DMBX1: variants seen among roughly 807,000 people sequenced by gnomAD.
DMBX1 encodes diencephalon/mesencephalon homeobox 1.
A neutral mutation model predicts 30.4 loss-of-function variants in DMBX1; 7 were observed. The ratio of observed to expected loss-of-function variants is 0.23; its 90% CI spans 0.13 to 0.43. DMBX1 has a LOEUF of 0.43. Ranked by LOEUF, DMBX1 falls within the 20% of genes least tolerant of loss-of-function variation. The pLI, the probability that DMBX1 is intolerant of heterozygous loss-of-function variation, is 1.00. For synonymous variants in DMBX1, 222 were observed against 214.2 expected (o/e 1.04, Z -0.32); for missense variants, 460 against 508.5 (o/e 0.90, Z 0.92).
intron 2 of DMBX1, among the ~76,000 whole-genome samples, chr1:46,501,195 T>TCCC: frequency 1.4e-4 from 9 of 63,204 alleles, no homozygotes; most frequent in Non-Finnish European, 2.4e-4. Flanking sequence ...TTTCTCTCCC[T>TCCC]TCCTTCCTTC....
chr1:46,496,300 C>G (rs1465694519), intron 2 of DMBX1, among the ~76,000 whole-genome samples: 2 of 152,132 alleles, frequency 1.3e-5, no homozygotes, highest in African/African-American at 2.4e-5. Flanking sequence ...AGGGTAGGAT[C>G]GGGATCTCCA....
chr1:46,509,795 G>C (rs1666319083), intron 3 of DMBX1, among the ~76,000 whole-genome samples: 1 of 152,058 alleles, frequency 6.6e-6, no homozygotes, highest in Admixed American at 6.5e-5. Context: ...TGAGACGTGA[G>C]CCCTGCCACC....
At chr1:46,506,891 C>A in intron 2 of DMBX1, 108 bp from the exon 3 acceptor site, 2 of 1,291,988 alleles carry the variant, frequency 1.5e-6, no homozygotes, top group South Asian at 2.8e-5. Context: ...GAGGGAGCTT[C>A]TGACCCATCA....
At chr1:46,507,937 T>C (rs1434945832) in intron 3 of DMBX1, among the ~76,000 whole-genome samples, 1 of 151,912 alleles carries the variant, frequency 6.6e-6, no homozygotes, top group East Asian at 1.9e-4. Flanking sequence ...CAGAGGTCAT[T>C]ATTACCCAAA....
At chr1:46,503,050 C>A (rs1666167728) in intron 2 of DMBX1, among the ~76,000 whole-genome samples, 1 of 152,224 alleles carries the variant, frequency 6.6e-6, no homozygotes, top group African/African-American at 2.4e-5. Context: ...TGGCTAGCGG[C>A]CCCTCTCCCT....
At chr1:46,505,269 T>G (rs1379435893) in intron 2 of DMBX1, among the ~76,000 whole-genome samples, 2 of 147,216 alleles carry the variant, frequency 1.4e-5, no homozygotes, top group Non-Finnish European at 3.0e-5. Flanking sequence ...CAAAGGACTA[T>G]AAATCATGCT....
At chr1:46,492,106 A>T (rs1188135163) in intron 2 of DMBX1, among the ~76,000 whole-genome samples, 28 of 152,314 alleles carry the variant, frequency 1.8e-4, no homozygotes, top group African/African-American at 6.3e-4. Flanking sequence ...CCCCGAATGG[A>T]ATGCAGAACA....
intron 2 of DMBX1, among the ~76,000 whole-genome samples, chr1:46,501,217 T>TTCCTTCCTTCCTTCCTTCCTTCCTTC (rs1557786011): frequency 1.0e-3 from 59 of 57,410 alleles, no homozygotes; most frequent in African/African-American, 3.3e-3. Context: ...TTCCTTCCTT[T>TTCCTTCCTTCCTTCCTTCCTTCCTTC]CTTTCTTTCT....
At chr1:46,497,119 G>A (rs908520307) in intron 2 of DMBX1, among the ~76,000 whole-genome samples, 1 of 152,172 alleles carries the variant, frequency 6.6e-6, no homozygotes, top group Non-Finnish European at 1.5e-5. Flanking sequence ...ATAAATACCA[G>A]ATAGCTCTTC....
chr1:46,511,920 T>G, intron 5 of DMBX1, 123 bp from the exon 6 acceptor site: 4 of 958,530 alleles, frequency 4.2e-6, no homozygotes, highest in Non-Finnish European at 6.3e-6. Context: ...ATGGGATGGA[T>G]GTGGTTTCAG....
chr1:46,508,004 C>T (rs573650855), intron 3 of DMBX1, among the ~76,000 whole-genome samples: 1 of 151,730 alleles, frequency 6.6e-6, no homozygotes, highest in East Asian at 2.0e-4. Flanking sequence ...GTGCCCCACA[C>T]CTGGTTCTAC....
rs1666483480 is a variant in DMBX1, at chr1:46,515,951, C to T, written c.*3457C>T. 6.6e-6 allele frequency among the ~76,000 whole-genome samples: 1 copy of T among 152,232 alleles called. No individual in the cohort carries two copies. Among genetic ancestry groups the T allele is most frequent in the African/African-American group, 2.4e-5 (1 of 41,470 alleles). ...CCAACTCCAAGGCTGGTGGGCTCTA[C>T]AGACTGCTTTCCAAACCAGCTGTTT... On this transcript the variant is annotated 3_prime_UTR_variant, in exon 6 of 6. Coordinates refer to ENST00000360032, the MANE Select transcript of DMBX1 (RefSeq NM_172225.2).
Position 46,510,357 on chromosome 1 carries a change from G to C in DMBX1, c.155-119G>C. 7.7e-7 allele frequency: 1 copy of C among 1,301,818 alleles called. No individual in the cohort carries two copies. Among genetic ancestry groups the C allele is most frequent in the Non-Finnish European group, 1.0e-6 (1 of 964,734 alleles). The allele number at this position is 1,301,818 out of a possible 1,614,324, so 80.6% of individuals were successfully genotyped here. ...TGATTTCTAAGGGTAAGGGACCAGGGCCAGCTCTGGCAGCAGCCTGGGTGT... is the reference window on the plus strand; with the variant it reads ...TGATTTCTAAGGGTAAGGGACCAGGCCCAGCTCTGGCAGCAGCCTGGGTGT... On this transcript the variant is annotated intron_variant, in intron 3 of 5. Coordinates refer to ENST00000360032, the MANE Select transcript of DMBX1 (RefSeq NM_172225.2). This position sits in a 1 kb window ranked among gnomAD's most constrained non-coding sequence, Gnocchi z 4.1.
In DMBX1 at chr1:46,512,637, A is replaced by C; in HGVS notation, c.*143A>C. The stretch of plus-strand genomic sequence containing the variant: ...CCTGTTCCCTGCTCCGCTTCCCCAT[A>C]CCCCAGCCCGAGGTGAAGCCCACAC... On this transcript the variant is annotated 3_prime_UTR_variant, in exon 6 of 6. Transcript: ENST00000360032. The surrounding 1 kb of genome is among the most constrained non-coding windows in gnomAD (Gnocchi z 4.8). 8.9e-6 allele frequency: 8 copies of C among 898,838 alleles called. No homozygotes were observed. The highest frequency in any genetic ancestry group is 1.7e-5 in the African/African-American group (1 of 59,228). 55.7% of individuals were successfully genotyped at this position (898,838 alleles called of 1,614,324 possible). A position where few individuals can be genotyped will look rare whatever the true frequency, so the allele number is the denominator to read the frequency against.
chr1:46,507,286 A>G (rs35270239), intron 3 of DMBX1, 122 bp downstream of exon 3: 238,849 of 1,272,668 alleles, frequency 0.19, 24,145 homozygotes, highest in African/African-American at 0.34. Flanking sequence ...AAAAAGACTC[A>G]GGTCACTTAG....
At chr1:46,503,660 G>A (rs886230542) in intron 2 of DMBX1, among the ~76,000 whole-genome samples, 4 of 152,214 alleles carry the variant, frequency 2.6e-5, no homozygotes, top group Non-Finnish European at 4.4e-5. Context: ...AAACGTTCAT[G>A]TGCTTGCCTG....
In DMBX1 at chr1:46,512,125, G is replaced by A. The variant is rs1334761644; in HGVS notation, c.765G>A (p.Pro255=). The A allele has an allele frequency of 1.9e-6, 3 of 1,613,736 alleles. No individual in the cohort carries two copies. Among genetic ancestry groups the A allele is most frequent in the African/African-American group, 2.7e-5 (2 of 74,836 alleles). The part of the protein sequence containing the change: ...LGPSHSYSSS[P]LSLFRLQEQF... The stretch of plus-strand genomic sequence containing the variant: ...CCTCCCACTCCTATTCCTCGTCCCC[G>A]CTGAGCCTCTTCCGTCTGCAGGAGC... Residue 255 remains proline, a synonymous_variant, in exon 6 of 6, where the codon CCG becomes CCA. Coordinates refer to ENST00000360032, the MANE Select transcript of DMBX1 (RefSeq NM_172225.2). The surrounding 1 kb of genome is among the most constrained non-coding windows in gnomAD (Gnocchi z 4.8).
chr1:46,507,372 C>T (rs1343627668), intron 3 of DMBX1, among the ~76,000 whole-genome samples: 1 of 152,160 alleles, frequency 6.6e-6, no homozygotes, highest in Admixed American at 6.5e-5. Flanking sequence ...CTGTCCAGGG[C>T]GCTGGAGCTG....
Position 46,491,842 on chromosome 1 carries a change from T to C in DMBX1, c.-13+1059T>C, listed in dbSNP as rs1449527489. 6.6e-6 allele frequency among the ~76,000 whole-genome samples: 1 copy of C among 152,234 alleles called. No homozygotes were observed. Among genetic ancestry groups the C allele is most frequent in the East Asian group, 1.9e-4 (1 of 5,202 alleles). On this transcript the variant is annotated intron_variant, in intron 2 of 5. Transcript: ENST00000360032. The surrounding 1 kb of genome is among the most constrained non-coding windows in gnomAD (Gnocchi z 5.5). Reference sequence around the variant, plus strand: ...CCTAAGGACGAATGAATTTAGTTCCTACCTCCCCTTTCTGCAAACCAGCTG... The same window carrying C: ...CCTAAGGACGAATGAATTTAGTTCCCACCTCCCCTTTCTGCAAACCAGCTG...
Sources: gnomAD v4.1 joint callset for allele counts (sites outside exome capture counted in the v4.1 genomes callset) on GRCh38, gnomAD v4.1.1 for gene constraint, Gnocchi (gnomAD v3.1) non-coding constraint, MANE v1.5 for transcripts, NCBI Gene and HGNC (gene_info 2026-07-23, HGNC 2026-07-21) for gene names.